The following ACO2 variants were observed in gnomAD, a reference collection of about 807,000 sequenced individuals.
The protein encoded by ACO2 is aconitate hydratase, mitochondrial.
A neutral mutation model predicts 84.5 loss-of-function variants in ACO2; 31 were observed. The ratio of observed to expected loss-of-function variants is 0.37; its 90% CI spans 0.28 to 0.50. The LOEUF (loss-of-function observed/expected upper bound fraction) is 0.50. Among genes scored for constraint, ACO2 ranks in the 20% least tolerant of loss-of-function variants. The probability of loss-of-function intolerance (pLI) is 0.97; values close to 1 mark genes in which losing one functional copy is unlikely to be tolerated. For missense variants in ACO2, 685 were observed against 1,029.3 expected (o/e 0.67, Z 4.58); for synonymous variants, 414 against 412.7 (o/e 1.00, Z -0.04).
intron 1 of ACO2, among the ~76,000 whole-genome samples, chr22:41,489,655 A>G (rs1406550668): frequency 1.3e-5 from 2 of 151,218 alleles, no homozygotes; most frequent in East Asian, 3.9e-4. Context: ...GCTTGCTTAG[A>G]TGCAGGTTAA....
At chr22:41,501,299 G>GC (rs2066352221) in intron 2 of ACO2, among the ~76,000 whole-genome samples, 1 of 152,318 alleles carries the variant, frequency 6.6e-6, no homozygotes, top group African/African-American at 2.4e-5. Context: ...ATGGTGCCTG[G>GC]CCTAAGGTGG....
intron 1 of ACO2, among the ~76,000 whole-genome samples, chr22:41,491,715 T>C (rs983983974): frequency 6.6e-5 from 10 of 152,242 alleles, no homozygotes; most frequent in Admixed American, 6.5e-5. Context: ...TGTGGAGTGC[T>C]TTTATTATGA....
Position 41,528,486 on chromosome 22 carries a change from A to G in ACO2, c.2216A>G (p.Lys739Arg). The G allele has an allele frequency of 6.2e-7, 1 of 1,612,258 alleles. No homozygotes were observed. The part of the protein sequence containing the change: ...LKDFTPGKPL[K>R]CIIKHPNGTQ... ...CCCACCTTCTCCTTGCAGCCCCTGA[A>G]GTGCATCATCAAGCACCCCAACGGG... The change falls in exon 18 of 18, where the codon AAG (lysine) becomes AGG (arginine). Residue 739 changes from lysine (K) to arginine (R), a missense_variant. Physicochemically the swap from Lys to Arg is conservative, Grantham distance 26. Transcript: ENST00000216254.
chr22:41,474,779 T>A (rs1434069814), intron 1 of ACO2, among the ~76,000 whole-genome samples: 3 of 150,584 alleles, frequency 2.0e-5, no homozygotes, highest in Non-Finnish European at 3.0e-5. Flanking sequence ...TTTTTTGTAT[T>A]TTTAGTAGAG....
chr22:41,490,680 T>C (rs181583093), intron 1 of ACO2, among the ~76,000 whole-genome samples: 15 of 152,310 alleles, frequency 9.8e-5, no homozygotes, highest in African/African-American at 3.4e-4. Flanking sequence ...TCTTTCAAAA[T>C]GTTGAACCTC....
At chr22:41,488,017 T>C (rs1490389905) in intron 1 of ACO2, among the ~76,000 whole-genome samples, 5 of 152,214 alleles carry the variant, frequency 3.3e-5, no homozygotes, top group African/African-American at 1.2e-4. Context: ...AACTCAAACA[T>C]GATCTGGTTT....
chr22:41,492,592 G>A (rs1342413576), intron 1 of ACO2, among the ~76,000 whole-genome samples: 1 of 152,100 alleles, frequency 6.6e-6, no homozygotes, highest in African/African-American at 2.4e-5. Context: ...TGACCAACAT[G>A]GTGAAACCCC....
In ACO2 at chr22:41,477,706, C is replaced by T. The variant is rs553921467; in HGVS notation, c.36+8524C>T. ...ACTTGGTGAATATTCATTTCTGTCT[C>T]CAGCCCCTGCAGATGGCCCGCGGCA... On this transcript the variant is annotated intron_variant, in intron 1 of 17. Coordinates refer to ENST00000216254, the MANE Select transcript of ACO2 (RefSeq NM_001098.3). Among the ~76,000 whole-genome samples, 50 of 152,204 alleles carry T rather than the reference C, an allele frequency of 3.3e-4. 2 individuals carry two copies. In the South Asian group the frequency reaches 0.01, roughly 31 times the overall value.
chr22:41,495,778 G>T (rs535195750), intron 1 of ACO2, among the ~76,000 whole-genome samples: 17 of 151,202 alleles, frequency 1.1e-4, no homozygotes, highest in Non-Finnish European at 1.9e-4. Flanking sequence ...CCGCCACCAC[G>T]CCGTAGTAGA....
intron 3 of ACO2, 97 bp from the exon 4 acceptor site, chr22:41,511,779 A>T: frequency 1.3e-6 from 1 of 798,054 alleles, no homozygotes; most frequent in Non-Finnish European, 2.0e-6. Context: ...AGTATTTCAG[A>T]GTCAGAAGGG....
intron 2 of ACO2, among the ~76,000 whole-genome samples, chr22:41,507,037 C>G (rs2066398647): frequency 6.6e-6 from 1 of 151,904 alleles, no homozygotes; most frequent in Admixed American, 6.6e-5. Context: ...GGGCCGGACC[C>G]CAGGGCAGGT....
chr22:41,513,254 T>C (rs2066449168), intron 4 of ACO2, among the ~76,000 whole-genome samples: 1 of 152,210 alleles, frequency 6.6e-6, no homozygotes, highest in Non-Finnish European at 1.5e-5. Flanking sequence ...TTATGGCAGC[T>C]CCTGGGCCAA....
At chr22:41,517,666 C>T (rs2066486328) in intron 7 of ACO2, 35 bp downstream of exon 7, 3 of 1,555,808 alleles carry the variant, frequency 1.9e-6, no homozygotes, top group East Asian at 2.2e-5. Flanking sequence ...GTGGGTGGAA[C>T]AGTCACATGC....
rs374096434 is a variant in ACO2 at position 41,505,287 on chromosome 22, G to A, written c.174-2504G>A. On this transcript the variant is annotated intron_variant, in intron 2 of 17. Coordinates refer to ENST00000216254, the MANE Select transcript of ACO2 (RefSeq NM_001098.3). ...AAATAAAATTAGCCAATGTGGTGGT[G>A]CGTGCCTATAATCCCAGTTACTCAG... Among the ~76,000 whole-genome samples, 33 of 152,176 alleles carry A rather than the reference G, an allele frequency of 2.2e-4. No individual in the cohort carries two copies. In the East Asian group the frequency reaches 4.8e-3, roughly 22 times the overall value.
At position 41,528,807 on chromosome 22, in the gene ACO2, T is replaced by A; in HGVS notation, c.*194T>A. ...TTAAAATAACTTTTTAGCCCCCGTCTTCCTATTTTGAGTTTGGTTCAGATC... is the reference window on the plus strand; with the variant it reads ...TTAAAATAACTTTTTAGCCCCCGTCATCCTATTTTGAGTTTGGTTCAGATC... On this transcript the variant is annotated 3_prime_UTR_variant, in exon 18 of 18. Transcript: ENST00000216254. The A allele has an allele frequency of 1.4e-6, 1 of 730,860 alleles. No individual in the cohort carries two copies. The highest frequency in any genetic ancestry group is 2.1e-6 in the Non-Finnish European group (1 of 465,204). The allele number at this position is 730,860 out of a possible 1,614,324, so 45.3% of individuals were successfully genotyped here. A position where few individuals can be genotyped will look rare whatever the true frequency, so the allele number is the denominator to read the frequency against.
rs1208989814 is a variant in ACO2, at chr22:41,518,515, C to G, written c.975C>G (p.His325Gln). The G allele has an allele frequency of 1.2e-6, 2 of 1,613,978 alleles. No individual in the cohort carries two copies. Among genetic ancestry groups the G allele is most frequent in the Admixed American group, 3.3e-5 (2 of 60,012 alleles). The change falls in exon 8 of 18, where the codon CAC becomes CAG. Residue 325 changes from histidine (H) to glutamine (Q), a missense_variant. Coordinates refer to ENST00000216254, the MANE Select transcript of ACO2 (RefSeq NM_001098.3). Reference protein sequence around the residue: ...IANLADEFKDHLVPDPGCHYD... With the variant: ...IANLADEFKDQLVPDPGCHYD... ...ATCTAGCTGATGAATTCAAGGATCA[C>G]TTGGTGCCTGACCCTGGCTGCCATT...
chr22:41,526,038 T>G, intron 14 of ACO2: 1 of 496,836 alleles, frequency 2.0e-6, no homozygotes, highest in Non-Finnish European at 3.6e-6. Flanking sequence ...TAAGGGAGAC[T>G]GAGCAGCCAG....
chr22:41,519,454 C>T lies in ACO2; in HGVS notation c.1033-717C>T, dbSNP rs569527444. 3.3e-5 allele frequency among the ~76,000 whole-genome samples: 5 copies of T among 152,252 alleles called. No individual in the cohort carries two copies. The South Asian group carries it at 8.3e-4, about 25-fold the overall frequency. The stretch of plus-strand genomic sequence containing the variant: ...ATGCTGCGCACATAGCTGAGTGCCT[C>T]GCATTTACTGATGATTATGATATGT... On this transcript the variant is annotated intron_variant, in intron 8 of 17. Coordinates refer to ENST00000216254, the MANE Select transcript of ACO2 (RefSeq NM_001098.3).
chr22:41,523,845 G>A lies in ACO2; in HGVS notation c.1386G>A (p.Lys462=), dbSNP rs2066548920. ...GACCTGGCAGGAAGGACATCAAGAA[G>A]GGGGAGAAGAACACAATCGTCACCT... The part of the protein sequence containing the change: ...IGQWDRKDIK[K]GEKNTIVTSY... The change falls in exon 12 of 18, where the codon AAG becomes AAA. Residue 462 remains lysine (K), a synonymous_variant. Coordinates refer to ENST00000216254, the MANE Select transcript of ACO2 (RefSeq NM_001098.3). The A allele has an allele frequency of 3.1e-6, 5 of 1,612,132 alleles. No individual in the cohort carries two copies. Among genetic ancestry groups the A allele is most frequent in the Non-Finnish European group, 4.2e-6 (5 of 1,179,952 alleles).
Sources: gnomAD v4.1 joint callset for allele counts (sites outside exome capture counted in the v4.1 genomes callset) on GRCh38, gnomAD v4.1.1 for gene constraint, MANE v1.5 for transcripts, NCBI Gene and HGNC (gene_info 2026-07-23, HGNC 2026-07-21) for gene names.